ACTG2: variants seen among roughly 807,000 people sequenced by gnomAD.
ACTG2 encodes actin, gamma-enteric smooth muscle.
In ACTG2, 16 loss-of-function variants were observed where a neutral mutation model predicts 37.6. The observed-to-expected ratio is 0.43, with a 90% CI of 0.29 to 0.65. The LOEUF (loss-of-function observed/expected upper bound fraction) is 0.65, where lower values mean the gene tolerates loss of function less well. Among genes scored for constraint, ACTG2 ranks in the 30% least tolerant of loss-of-function variants. ACTG2 has a pLI of 0.18. For missense variants in ACTG2, 238 were observed against 490.9 expected, an observed-to-expected ratio of 0.48 and a Z score of 4.87; for synonymous variants, 181 against 179.9, an observed-to-expected ratio of 1.01 and a Z score of -0.05.
chr2:73,902,911 G>T, intron 3 of ACTG2: 1 of 829,570 alleles, frequency 1.2e-6, no homozygotes, highest in East Asian at 2.7e-5. Context: ...ATTTACTCAG[G>T]CCAGTGCTCA....
At chr2:73,916,394 C>A (rs2104824742) in intron 7 of ACTG2, among the ~76,000 whole-genome samples, 190 bp from the exon 8 acceptor site, 1 of 148,232 alleles carries the variant, frequency 6.7e-6, no homozygotes, top group East Asian at 2.0e-4. Flanking sequence ...AAAAAAAGAT[C>A]AATCAGAACT....
In ACTG2 at chr2:73,902,682, G is replaced by A. The variant is rs779922960; in HGVS notation, c.255+194G>A. ...CATCTCTCCCTGGACTATTGCAATGGCTTCCTGGCTGATTTCTTGGTCTCT... is the reference window on the plus strand; with the variant it reads ...CATCTCTCCCTGGACTATTGCAATGACTTCCTGGCTGATTTCTTGGTCTCT... On this transcript the variant is annotated intron_variant, in intron 3 of 8. Transcript: ENST00000345517. 3 of 1,551,612 alleles carry A rather than the reference G, an allele frequency of 1.9e-6. No homozygotes were observed. The South Asian group carries it at 3.6e-5, about 18-fold the overall frequency.
chr2:73,909,179 G>C, intron 5 of ACTG2, 40 bp downstream of exon 5: 1 of 1,566,048 alleles, frequency 6.4e-7, no homozygotes, highest in East Asian at 2.2e-5. Flanking sequence ...TGACTTCAGG[G>C]GAGGTAGGGA....
At chr2:73,893,937 G>A (rs935948050) in intron 1 of ACTG2, among the ~76,000 whole-genome samples, 3 of 152,198 alleles carry the variant, frequency 2.0e-5, no homozygotes, top group African/African-American at 7.2e-5. Context: ...GGCAGTGCAG[G>A]CCTTGAAGGC....
intron 3 of ACTG2, among the ~76,000 whole-genome samples, chr2:73,906,019 T>A (rs779116665): frequency 1.3e-4 from 19 of 148,232 alleles, no homozygotes; most frequent in Non-Finnish European, 2.6e-4. Context: ...AATAATATAA[T>A]AAATAAAAGA....
chr2:73,896,136 C>G (rs975959555), intron 1 of ACTG2, among the ~76,000 whole-genome samples: 2 of 152,136 alleles, frequency 1.3e-5, no homozygotes, highest in African/African-American at 4.8e-5. Context: ...GAGTTTGAGA[C>G]CAGCCTGGGC....
At chr2:73,910,673 C>CTTTTA (rs1255406791) in intron 5 of ACTG2, among the ~76,000 whole-genome samples, 1 of 150,972 alleles carries the variant, frequency 6.6e-6, no homozygotes. Context: ...TTATTTTTGT[C>CTTTTA]TTTATTTAGT....
chr2:73,912,085 A>C (rs1439454385), intron 5 of ACTG2, among the ~76,000 whole-genome samples: 1 of 152,228 alleles, frequency 6.6e-6, no homozygotes, highest in South Asian at 2.1e-4. Flanking sequence ...ATTTCACTGC[A>C]TGTGATAAGG....
chr2:73,905,844 T>C (rs1680004291), intron 3 of ACTG2, among the ~76,000 whole-genome samples: 1 of 152,062 alleles, frequency 6.6e-6, no homozygotes, highest in South Asian at 2.1e-4. Flanking sequence ...TAGGATTATT[T>C]ATAACCAAAA....
intron 8 of ACTG2, among the ~76,000 whole-genome samples, chr2:73,918,118 G>T (rs1238168299): frequency 6.6e-6 from 1 of 152,190 alleles, no homozygotes; most frequent in East Asian, 1.9e-4. Context: ...GAAGGGAAAG[G>T]ACACTCTAAG....
intron 4 of ACTG2, 104 bp downstream of exon 4, chr2:73,908,887 G>A: frequency 8.1e-7 from 1 of 1,233,938 alleles, no homozygotes; most frequent in Non-Finnish European, 1.2e-6. Flanking sequence ...ACTCTCTGAG[G>A]ACCTGCTATG....
At chr2:73,903,673 G>A (rs1348291129) in intron 3 of ACTG2, among the ~76,000 whole-genome samples, 2 of 152,156 alleles carry the variant, frequency 1.3e-5, no homozygotes, top group Non-Finnish European at 2.9e-5. Context: ...CGGGCGTGGT[G>A]GCTTATGCCT....
chr2:73,903,832 C>G (rs1165523446), intron 3 of ACTG2, among the ~76,000 whole-genome samples: 1 of 149,128 alleles, frequency 6.7e-6, no homozygotes, highest in Non-Finnish European at 1.5e-5. Context: ...CCCAGCTACT[C>G]GGGAGGCTGC....
intron 6 of ACTG2, 122 bp from the exon 7 acceptor site, chr2:73,914,558 C>CA (rs59417466): frequency 0.04 from 20,371 of 513,248 alleles, 115 homozygotes; most frequent in East Asian, 0.098. Context: ...GACTCTGTCT[C>CA]AAAAAAAAAA....
intron 2 of ACTG2, chr2:73,901,640 T>G (rs1362970653): frequency 2.2e-6 from 2 of 929,196 alleles, no homozygotes; most frequent in African/African-American, 4.0e-5. Context: ...ACGCCAGGTG[T>G]AGGGAGTTCT....
At chr2:73,904,855 G>A (rs180678287) in intron 3 of ACTG2, among the ~76,000 whole-genome samples, 1 of 143,370 alleles carries the variant, frequency 7.0e-6, no homozygotes, top group Non-Finnish European at 1.5e-5. Context: ...TTGGGTAAAA[G>A]TGTCAAATGT....
chr2:73,914,604 T>C (rs951746085), intron 6 of ACTG2, 76 bp from the exon 7 acceptor site: 1 of 1,238,018 alleles, frequency 8.1e-7, no homozygotes, highest in Non-Finnish European at 1.1e-6. Flanking sequence ...AGAAGGAGGT[T>C]TTCATGGAGA....
chr2:73,904,777 G>GTGTGTGTGTGTGTATATA (rs1427483105), intron 3 of ACTG2, among the ~76,000 whole-genome samples: 1 of 42,608 alleles, frequency 2.3e-5, no homozygotes, highest in African/African-American at 7.8e-5. Flanking sequence ...GTGTGTGTGT[G>GTGTGTGTGTGTGTATATA]TATATATATA....
chr2:73,914,203 T>C (rs916911023), intron 6 of ACTG2, among the ~76,000 whole-genome samples: 20 of 152,116 alleles, frequency 1.3e-4, no homozygotes, highest in Admixed American at 1.2e-3. Context: ...AGAATTAAGA[T>C]TGAATGGAGT....
Sources: gnomAD v4.1 joint callset for allele counts (sites outside exome capture counted in the v4.1 genomes callset) on GRCh38, gnomAD v4.1.1 for gene constraint, MANE v1.5 for transcripts, NCBI Gene and HGNC (gene_info 2026-07-23, HGNC 2026-07-21) for gene names.